The following ZNF572 variants were observed in gnomAD, a reference collection of about 807,000 sequenced individuals.
The protein encoded by ZNF572 is zinc finger protein 572.
ZNF572 carries 2 observed loss-of-function variants against 3.8 expected under a neutral mutation model. The observed-to-expected ratio is 0.52, with a 90% CI of 0.21 to 1.65. The LOEUF is 1.65. ZNF572 is among the 40% of genes most tolerant of loss of function. ZNF572 has a pLI of 0.20. For synonymous variants in ZNF572, 187 were observed against 204.5 expected (o/e 0.91, Z 0.73); for missense variants, 581 against 633.4 (o/e 0.92, Z 0.89).
chr8:124,977,111 T>C lies in ZNF572; in HGVS notation c.843T>C (p.Phe281=). 5 of 1,609,030 alleles carry C rather than the reference T, an allele frequency of 3.1e-6. No individual in the cohort carries two copies. Among genetic ancestry groups the C allele is most frequent in the East Asian group, 2.2e-5 (1 of 44,878 alleles). ...AGTGCCCTGATTGTGGGAAGAGTTT[T>C]AGTCAGAGTTCCAGCCTCATTCGCC... ...PYKCPDCGKS[F]SQSSSLIRHQ... is the part of the protein sequence containing the mutation. Residue 281 remains phenylalanine, a synonymous_variant, in exon 3 of 3, where the codon TTT becomes TTC. Coordinates refer to ENST00000319286, the MANE Select transcript of ZNF572 (RefSeq NM_152412.3).
chr8:124,976,677 T>G lies in ZNF572; in HGVS notation c.409T>G (p.Cys137Gly). The G allele has an allele frequency of 6.2e-7, 1 of 1,614,204 alleles. No individual in the cohort carries two copies. Among genetic ancestry groups the G allele is most frequent in the East Asian group, 2.2e-5 (1 of 44,882 alleles). ...AGACAGACCCTATAAATGTTCCGAA[T>G]GTTGGAAAAGCTTCAGTAATAGTTC... ...FVDRPYKCSE[C>G]WKSFSNSSHL... is the part of the protein sequence containing the mutation. The change falls in exon 3 of 3, where the codon TGT (cysteine) becomes GGT (glycine). Residue 137 changes from cysteine to glycine, a missense_variant. Coordinates refer to ENST00000319286, the MANE Select transcript of ZNF572 (RefSeq NM_152412.3).
Position 124,977,867 on chromosome 8 carries a change from G to A in ZNF572, c.*9G>A, listed in dbSNP as rs755930428. The A allele has an allele frequency of 2.6e-6, 4 of 1,551,564 alleles. No homozygotes were observed. In the South Asian group the frequency reaches 3.8e-5, roughly 15 times the overall value. On this transcript the variant is annotated 3_prime_UTR_variant, in exon 3 of 3. Coordinates refer to ENST00000319286, the MANE Select transcript of ZNF572 (RefSeq NM_152412.3). ...CAAATTCATCTTCCTGAGTCCCAAA[G>A]CCTGGTTGGTGATGGTTTTTTCTTC...
intron 2 of ZNF572, 131 bp downstream of exon 2, chr8:124,975,850 CATT>C: frequency 1.5e-6 from 1 of 649,616 alleles, no homozygotes; most frequent in East Asian, 2.7e-5. Flanking sequence ...ATTTCAGCCT[CATT>C]GTTCTCATCT....
At position 124,978,482 on chromosome 8, in the gene ZNF572, C is replaced by T. The variant is rs1295126222; in HGVS notation, c.*624C>T. 1 of 152,300 alleles carries T rather than the reference C, an allele frequency of 6.6e-6. No homozygotes were observed. The highest frequency in any genetic ancestry group is 1.9e-4 in the East Asian group (1 of 5,186). The allele number at this position is 152,300 out of a possible 1,614,324, so 9.4% of individuals were successfully genotyped here. ...TAGCCACTTTCTAAGTGCTCAGTAG[C>T]TCTGTGTGACCAGCGGCTACTGTAT... On this transcript the variant is annotated 3_prime_UTR_variant, in exon 3 of 3. Coordinates refer to ENST00000319286, the MANE Select transcript of ZNF572 (RefSeq NM_152412.3).
chr8:124,979,279 T>TG lies in ZNF572; in HGVS notation c.*1426dup, dbSNP rs1053501464. The TG allele has an allele frequency of 1.3e-5, 2 of 152,690 alleles. No homozygotes were observed. The highest frequency in any genetic ancestry group is 1.9e-4 in the East Asian group (1 of 5,182). 9.5% of individuals were successfully genotyped at this position (152,690 alleles called of 1,614,324 possible). A position where few individuals can be genotyped will look rare whatever the true frequency, so the allele number is the denominator to read the frequency against. Reference sequence around the variant, plus strand: ...TGTAGCTGATGGTCATTTAATTGCATGGGGGTTATTTTATCTTTCATGATT... The same window carrying TG: ...TGTAGCTGATGGTCATTTAATTGCATGGGGGGTTATTTTATCTTTCATGATT... On this transcript the variant is annotated 3_prime_UTR_variant, in exon 3 of 3. Transcript: ENST00000319286.
Position 124,977,865 on chromosome 8 carries a change from A to G in ZNF572, c.*7A>G, listed in dbSNP as rs1814532685. On this transcript the variant is annotated 3_prime_UTR_variant, in exon 3 of 3. Coordinates refer to ENST00000319286, the MANE Select transcript of ZNF572 (RefSeq NM_152412.3). ...CTCAAATTCATCTTCCTGAGTCCCA[A>G]AGCCTGGTTGGTGATGGTTTTTTCT... is the stretch of plus-strand genomic sequence containing the variant. The G allele has an allele frequency of 1.3e-6, 2 of 1,555,280 alleles. No homozygotes were observed. Among genetic ancestry groups the G allele is most frequent in the Non-Finnish European group, 1.7e-6 (2 of 1,152,690 alleles).
Position 124,977,221 on chromosome 8 carries a change from A to C in ZNF572, c.953A>C (p.His318Pro). 5.0e-6 allele frequency: 8 copies of C among 1,612,844 alleles called. No individual in the cohort carries two copies. Among genetic ancestry groups the C allele is most frequent in the Non-Finnish European group, 5.9e-6 (7 of 1,180,024 alleles). ...SFGCNSTLIK[H>P]QRIHTGEKPY... ...GGTTGTAATTCTACTCTAATAAAAC[A>C]TCAGAGAATACATACAGGAGAAAAG... The change falls in exon 3 of 3, where the codon CAT becomes CCT. Residue 318 changes from histidine to proline, a missense_variant. Coordinates refer to ENST00000319286, the MANE Select transcript of ZNF572 (RefSeq NM_152412.3).
chr8:124,973,886 A>G (rs1431371508), intron 1 of ZNF572, among the ~76,000 whole-genome samples: 1 of 152,194 alleles, frequency 6.6e-6, no homozygotes, highest in African/African-American at 2.4e-5. Context: ...GTATTTTAGT[A>G]GGGAAAATGG....
chr8:124,974,239 G>C (rs1814475602), intron 1 of ZNF572, among the ~76,000 whole-genome samples: 1 of 152,202 alleles, frequency 6.6e-6, no homozygotes, highest in African/African-American at 2.4e-5. Flanking sequence ...ATTCTTTGCA[G>C]TTTGGGATTA....
chr8:124,974,519 A>G (rs1380868753), intron 1 of ZNF572, among the ~76,000 whole-genome samples: 1 of 152,236 alleles, frequency 6.6e-6, no homozygotes, highest in Non-Finnish European at 1.5e-5. Context: ...AAGATACAAT[A>G]TAAGTACATA....
At position 124,977,024 on chromosome 8, in the gene ZNF572, C is replaced by A. The variant is rs776297314; in HGVS notation, c.756C>A (p.Gly252=). 15 of 1,613,726 alleles carry A rather than the reference C, an allele frequency of 9.3e-6. No individual in the cohort carries two copies. The highest frequency in any genetic ancestry group is 1.2e-5 in the Non-Finnish European group (14 of 1,180,026). ...ATGAATGTTCTGTCTGCGGAAAAGG[C>A]TTCAGTCACAGCTATGTCCTAATAG... ...KPYECSVCGK[G]FSHSYVLIEH... The change falls in exon 3 of 3, where the codon GGC becomes GGA. Residue 252 remains glycine, a synonymous_variant. Transcript: ENST00000319286.
Position 124,978,787 on chromosome 8 carries a change from T to G in ZNF572, c.*929T>G, listed in dbSNP as rs1461660960. The G allele has an allele frequency of 1.3e-5, 2 of 152,248 alleles. No individual in the cohort carries two copies. 9.4% of individuals were successfully genotyped at this position (152,248 alleles called of 1,614,324 possible). ...AATAGAAGGCAGGATTCCTGAATTCTATCTTAAAATTTGCAATGAAGAGCC... is the reference window on the plus strand; with the variant it reads ...AATAGAAGGCAGGATTCCTGAATTCGATCTTAAAATTTGCAATGAAGAGCC... On this transcript the variant is annotated 3_prime_UTR_variant, in exon 3 of 3. Transcript: ENST00000319286.
In ZNF572 at chr8:124,976,910, A is replaced by G. The variant is rs1472564789; in HGVS notation, c.642A>G (p.Lys214=). Residue 214 remains lysine (K), a synonymous_variant, in exon 3 of 3, where the codon AAA becomes AAG. Transcript: ENST00000319286. ...IIHERTHTGE[K]PYKCPECGKR... ...ATGAGAGAACTCACACGGGAGAGAA[A>G]CCCTACAAATGTCCCGAGTGTGGGA... The G allele has an allele frequency of 6.2e-7, 1 of 1,613,908 alleles. No homozygotes were observed. Among genetic ancestry groups the G allele is most frequent in the African/African-American group, 1.3e-5 (1 of 74,858 alleles).
At chr8:124,976,257 C>T (rs1322186284) in intron 2 of ZNF572, 91 bp from the exon 3 acceptor site, 1 of 1,119,566 alleles carries the variant, frequency 8.9e-7, no homozygotes, top group African/African-American at 1.6e-5. Flanking sequence ...TGAGGTTTTA[C>T]AGTGTTATTT....
chr8:124,977,604 G>A lies in ZNF572; in HGVS notation c.1336G>A (p.Gly446Ser). 1 of 1,614,178 alleles carries A rather than the reference G, an allele frequency of 6.2e-7. No homozygotes were observed. Among genetic ancestry groups the A allele is most frequent in the Non-Finnish European group, 8.5e-7 (1 of 1,180,022 alleles). Residue 446 changes from glycine to serine, a missense_variant, in exon 3 of 3, where the codon GGT becomes AGT. Coordinates refer to ENST00000319286, the MANE Select transcript of ZNF572 (RefSeq NM_152412.3). The stretch of plus-strand genomic sequence containing the variant: ...GAAACCTTATAAATGTCCTGATTGT[G>A]GTGAAAGCTTCAGTCAGAGCTTTAA... The part of the protein sequence containing the change: ...GEKPYKCPDC[G>S]ESFSQSFNLI...
In ZNF572 at chr8:124,977,166, T is replaced by C. The variant is rs372094161; in HGVS notation, c.898T>C (p.Tyr300His). 3.7e-6 allele frequency: 6 copies of C among 1,609,722 alleles called. No individual in the cohort carries two copies. The South Asian group carries it at 6.6e-5, about 18-fold the overall frequency. The change falls in exon 3 of 3, where the codon TAC (tyrosine) becomes CAC (histidine). Residue 300 changes from tyrosine (Y) to histidine (H), a missense_variant. Coordinates refer to ENST00000319286, the MANE Select transcript of ZNF572 (RefSeq NM_152412.3). ...GCGGACACACACAGGTGAGAAGCCC[T>C]ACAAATGTCTTGAGTGTGAAAAAAG... ...HQRTHTGEKPYKCLECEKSFG... is the reference protein window; with the variant it reads ...HQRTHTGEKPHKCLECEKSFG...
Position 124,978,109 on chromosome 8 carries a change from C to T in ZNF572, c.*251C>T, listed in dbSNP as rs1814536400. 1 of 446,850 alleles carries T rather than the reference C, an allele frequency of 2.2e-6. No individual in the cohort carries two copies. Among genetic ancestry groups the T allele is most frequent in the Non-Finnish European group, 3.9e-6 (1 of 255,750 alleles). 27.7% of individuals were successfully genotyped at this position (446,850 alleles called of 1,614,324 possible). ...ATTTAAGGTAAGATAGTAATAGCTT[C>T]AAAAGAACACATACAGAGTAATCCT... On this transcript the variant is annotated 3_prime_UTR_variant, in exon 3 of 3. Transcript: ENST00000319286.
At position 124,976,900 on chromosome 8, in the gene ZNF572, C is replaced by T. The variant is rs200616321; in HGVS notation, c.632C>T (p.Thr211Met). The T allele has an allele frequency of 1.5e-5, 25 of 1,613,938 alleles. No homozygotes were observed. Among genetic ancestry groups the T allele is most frequent in the South Asian group, 5.5e-5 (5 of 91,068 alleles). The change falls in exon 3 of 3, where the codon ACG (threonine) becomes ATG (methionine). Residue 211 changes from threonine (T) to methionine (M), a missense_variant. Coordinates refer to ENST00000319286, the MANE Select transcript of ZNF572 (RefSeq NM_152412.3). ...CTTATTATCCATGAGAGAACTCACA[C>T]GGGAGAGAAACCCTACAAATGTCCC... ...SHLIIHERTHTGEKPYKCPEC... is the reference protein window; with the variant it reads ...SHLIIHERTHMGEKPYKCPEC...
At position 124,978,059 on chromosome 8, in the gene ZNF572, G is replaced by T; in HGVS notation, c.*201G>T. 2 of 527,356 alleles carry T rather than the reference G, an allele frequency of 3.8e-6. No individual in the cohort carries two copies. Among genetic ancestry groups the T allele is most frequent in the Middle Eastern group, 3.6e-4 (1 of 2,800 alleles). The allele number at this position is 527,356 out of a possible 1,614,324, so 32.7% of individuals were successfully genotyped here. A position where few individuals can be genotyped will look rare whatever the true frequency, so the allele number is the denominator to read the frequency against. On this transcript the variant is annotated 3_prime_UTR_variant, in exon 3 of 3. Transcript: ENST00000319286. The stretch of plus-strand genomic sequence containing the variant: ...TCCAGTGAGAGATTCATCCACCAAG[G>T]ATGAAGAAAGGAGGACTTTTAAAAA...
Sources: allele counts gnomAD v4.1 joint callset (sites outside exome capture counted in the v4.1 genomes callset), GRCh38; gene constraint gnomAD v4.1.1; transcripts MANE v1.5; gene names NCBI Gene and HGNC (gene_info 2026-07-23, HGNC 2026-07-21).